Variants in TET2 observed in about 807,000 individuals in gnomAD.
TET2 encodes the protein tet methylcytosine dioxygenase 2.
TET2 carries 299 observed loss-of-function variants against 142.9 expected under a neutral mutation model. The ratio of observed to expected loss-of-function variants is 2.09; its 90% CI spans 1.90 to 2.30. The LOEUF is 2.30. Among genes scored for constraint, TET2 ranks in the 30% most tolerant of loss-of-function variants. The pLI is 0.00. For missense variants in TET2, 2,418 were observed against 2,378.0 expected (o/e 1.02, Z -0.35); for synonymous variants, 819 against 849.0 (o/e 0.96, Z 0.61).
chr4:105,169,672 G>C (rs538404178), intron 1 of TET2, among the ~76,000 whole-genome samples: 2 of 152,176 alleles, frequency 1.3e-5, no homozygotes, highest in African/African-American at 4.8e-5. Context: ...TGTCTAGAAG[G>C]GTTTTTCTGA....
chr4:105,272,659 G>A lies in TET2; in HGVS notation c.4278G>A (p.Val1426=). 6.4e-7 allele frequency: 1 copy of A among 1,551,684 alleles called. No homozygotes were observed. The highest frequency in any genetic ancestry group is 8.7e-7 in the Non-Finnish European group (1 of 1,146,976). Residue 1426 remains valine, a synonymous_variant, in exon 10 of 11, where the codon GTG becomes GTA. Transcript: ENST00000380013. ...TGCCTTTATACAAAGTCTCTGACGT[G>A]GATGAGTTTGGGAGTGTGGAAGCTC... is the stretch of plus-strand genomic sequence containing the variant. The part of the protein sequence containing the change: ...HVLPLYKVSD[V]DEFGSVEAQE...
In TET2 at chr4:105,222,754, C is replaced by T. The variant is rs188994228; in HGVS notation, c.-46-11143C>T. The stretch of plus-strand genomic sequence containing the variant: ...ATTTGTCAATTTTGGCTTTTGTTGC[C>T]ATTGCTTTTGGTGTTTTAGACATGA... On this transcript the variant is annotated intron_variant, in intron 2 of 10. Transcript: ENST00000380013. Among the ~76,000 whole-genome samples the T allele has an allele frequency of 9.7e-3, 1,475 of 151,872 alleles. 10 individuals are homozygous for T. The highest frequency in any genetic ancestry group is 0.015 in the Non-Finnish European group (1,002 of 67,926).
Position 105,276,842 on chromosome 4 carries a change from C to CA in TET2, c.*323_*324insA, listed in dbSNP as rs1731249444. 1 of 188,140 alleles carries CA rather than the reference C, an allele frequency of 5.3e-6. No homozygotes were observed. Among genetic ancestry groups the CA allele is most frequent in the Non-Finnish European group, 1.0e-5 (1 of 95,466 alleles). The allele number at this position is 188,140 out of a possible 1,614,324, so 11.7% of individuals were successfully genotyped here. On this transcript the variant is annotated 3_prime_UTR_variant, in exon 11 of 11. Transcript: ENST00000380013. ...CGAGATGATATGTAAATGTGATCCCCCCCCCCCGCTTACAACTCTACACAT... is the reference window on the plus strand; with the variant it reads ...CGAGATGATATGTAAATGTGATCCCCACCCCCCCGCTTACAACTCTACACAT...
intron 2 of TET2, among the ~76,000 whole-genome samples, chr4:105,232,439 G>A (rs1728564040): frequency 6.6e-6 from 1 of 152,190 alleles, no homozygotes. Context: ...TTACCGCACT[G>A]CTTTCCACAA....
At chr4:105,161,634 G>A (rs1033696365) in intron 1 of TET2, among the ~76,000 whole-genome samples, 5 of 152,074 alleles carry the variant, frequency 3.3e-5, no homozygotes, top group African/African-American at 9.7e-5. Context: ...AATCATATAT[G>A]GATATAAGCT....
chr4:105,220,878 T>A (rs1482246626), intron 2 of TET2, among the ~76,000 whole-genome samples: 1 of 152,184 alleles, frequency 6.6e-6, no homozygotes, highest in Admixed American at 6.5e-5. Flanking sequence ...TGCTGGGGCA[T>A]CCTTGCCCTG....
intron 7 of TET2, among the ~76,000 whole-genome samples, chr4:105,260,209 C>G (rs113156199): frequency 3.4e-5 from 5 of 148,398 alleles, no homozygotes; most frequent in African/African-American, 1.2e-4. Context: ...ATTTAAGTAA[C>G]TAAAACATTT....
At chr4:105,226,179 T>G (rs1194219557) in intron 2 of TET2, among the ~76,000 whole-genome samples, 1 of 152,128 alleles carries the variant, frequency 6.6e-6, no homozygotes, top group African/African-American at 2.4e-5. Flanking sequence ...TGTCTTAGTA[T>G]TGTGTGGTGG....
chr4:105,162,695 C>T (rs955141975), intron 1 of TET2, among the ~76,000 whole-genome samples: 18 of 152,148 alleles, frequency 1.2e-4, no homozygotes, highest in African/African-American at 4.3e-4. Context: ...TTCATAGAAA[C>T]AGTTGGAGCA....
At chr4:105,214,552 C>T (rs2110559572) in intron 2 of TET2, among the ~76,000 whole-genome samples, 1 of 143,240 alleles carries the variant, frequency 7.0e-6, no homozygotes, top group Middle Eastern at 4.0e-3. Flanking sequence ...CTCAAGTGAT[C>T]CACCCACCTT....
chr4:105,194,587 A>G (rs1183845327), intron 2 of TET2, among the ~76,000 whole-genome samples: 1 of 152,116 alleles, frequency 6.6e-6, no homozygotes, highest in Non-Finnish European at 1.5e-5. Context: ...TTACTTCCTT[A>G]CAGGTCATTC....
At chr4:105,161,445 A>G (rs746233201) in intron 1 of TET2, among the ~76,000 whole-genome samples, 1 of 152,098 alleles carries the variant, frequency 6.6e-6, no homozygotes, top group African/African-American at 2.4e-5. Context: ...TAAATGATGT[A>G]TTTCTCTCAA....
Position 105,276,748 on chromosome 4 carries a change from A to G in TET2, c.*229A>G, listed in dbSNP as rs1731241502. 2 of 472,642 alleles carry G rather than the reference A, an allele frequency of 4.2e-6. No homozygotes were observed. The highest frequency in any genetic ancestry group is 7.4e-6 in the Non-Finnish European group (2 of 269,478). 29.3% of individuals were successfully genotyped at this position (472,642 alleles called of 1,614,324 possible). ...ATCTAGGAAAAGACCAAAGCATTCT[A>G]TGCAAAAAGAAGGTGGGGAAGAAAG... On this transcript the variant is annotated 3_prime_UTR_variant, in exon 11 of 11. Transcript: ENST00000380013.
rs1016891463 is a variant in TET2 at position 105,278,681 on chromosome 4, A to T, written c.*2162A>T. On this transcript the variant is annotated 3_prime_UTR_variant, in exon 11 of 11. Transcript: ENST00000380013. Reference sequence around the variant, plus strand: ...TCTGTTGGCTCTTTTTATTGTAAAGAAAAGCATTTTAAAAGTTTGAGGAAT... The same window carrying T: ...TCTGTTGGCTCTTTTTATTGTAAAGTAAAGCATTTTAAAAGTTTGAGGAAT... The T allele has an allele frequency of 4.3e-6, 1 of 232,858 alleles. No homozygotes were observed. The highest frequency in any genetic ancestry group is 6.1e-5 in the East Asian group (1 of 16,484). 14.4% of individuals were successfully genotyped at this position (232,858 alleles called of 1,614,324 possible).
At chr4:105,262,364 CA>C (rs1288283915) in intron 8 of TET2, among the ~76,000 whole-genome samples, 3 of 142,384 alleles carry the variant, frequency 2.1e-5, no homozygotes, top group African/African-American at 8.5e-5. Context: ...CAAGCAAAAA[CA>C]TTTTTTTTTT....
intron 1 of TET2, among the ~76,000 whole-genome samples, chr4:105,173,410 G>A (rs1196256541): frequency 3.3e-5 from 5 of 150,896 alleles, no homozygotes; most frequent in African/African-American, 4.9e-5. Context: ...GTGTGCTCCC[G>A]TAGTCCCAGC....
At position 105,240,745 on chromosome 4, in the gene TET2, T is replaced by C. The variant is rs985002772; in HGVS notation, c.3410-594T>C. On this transcript the variant is annotated intron_variant, in intron 3 of 10. Coordinates refer to ENST00000380013, the MANE Select transcript of TET2 (RefSeq NM_001127208.3). Reference sequence around the variant, plus strand: ...TTGTTGGTTTGCAACAGCCCCTTCTTTTTGCCTGACTCTCCAGGATTTTCT... The same window carrying C: ...TTGTTGGTTTGCAACAGCCCCTTCTCTTTGCCTGACTCTCCAGGATTTTCT... The C allele has an allele frequency of 6.5e-6, 7 of 1,080,090 alleles. No individual in the cohort carries two copies. In the Admixed American group the frequency reaches 3.7e-4, roughly 58 times the overall value. 66.9% of individuals were successfully genotyped at this position (1,080,090 alleles called of 1,614,324 possible).
chr4:105,259,510 A>T, intron 6 of TET2, 109 bp from the exon 7 acceptor site: 1 of 1,047,296 alleles, frequency 9.5e-7, no homozygotes, highest in African/African-American at 1.6e-5. Context: ...ATACAGAGTT[A>T]GATTAGACTT....
At chr4:105,200,828 T>A (rs1156429886) in intron 2 of TET2, among the ~76,000 whole-genome samples, 1 of 151,982 alleles carries the variant, frequency 6.6e-6, no homozygotes, top group East Asian at 1.9e-4. Flanking sequence ...GCCCAGCTAA[T>A]TTTTGTATTT....
Sources: allele counts gnomAD v4.1 joint callset (sites outside exome capture counted in the v4.1 genomes callset), GRCh38; gene constraint gnomAD v4.1.1; transcripts MANE v1.5; gene names NCBI Gene and HGNC (gene_info 2026-07-23, HGNC 2026-07-21).